The following MRPS35 variants were observed in gnomAD, a reference collection of about 807,000 sequenced individuals.
The protein encoded by MRPS35 is mitochondrial ribosomal protein S35.
MRPS35 carries 29 observed loss-of-function variants against 32.7 expected under a neutral mutation model. The ratio of observed to expected loss-of-function variants is 0.89; its 90% CI spans 0.66 to 1.21. The LOEUF is 1.21. MRPS35 is among the 50% of genes most tolerant of loss of function. MRPS35 has a pLI of 0.00. For missense variants in MRPS35, 373 were observed against 383.8 expected (o/e 0.97, Z 0.23); for synonymous variants, 148 against 139.3 (o/e 1.06, Z -0.44).
At chr12:27,739,454 G>A (rs1315728815) in intron 7 of MRPS35, among the ~76,000 whole-genome samples, 1 of 152,148 alleles carries the variant, frequency 6.6e-6, no homozygotes, top group Non-Finnish European at 1.5e-5. Context: ...TCACACAAGA[G>A]GATGAATGGA....
intron 7 of MRPS35, among the ~76,000 whole-genome samples, chr12:27,753,726 T>C (rs1194310191): frequency 2.6e-5 from 4 of 152,018 alleles, no homozygotes; most frequent in Non-Finnish European, 5.9e-5. Flanking sequence ...GGAAAAAAAA[T>C]GTGACTAGTA....
intron 7 of MRPS35, among the ~76,000 whole-genome samples, chr12:27,748,457 G>GTGTGTGTA (rs2061988754): frequency 6.6e-6 from 1 of 151,678 alleles, no homozygotes; most frequent in Non-Finnish European, 1.5e-5. Context: ...GTGTGTGTGT[G>GTGTGTGTA]TGTGTGTGTG....
chr12:27,733,467 T>C lies in MRPS35; in HGVS notation c.523-1980T>C, dbSNP rs141023583. ...AGAATACTTTAAGCTTTTGAAACTT[T>C]TAAATTTATTGTTAGACATTATTAT... On this transcript the variant is annotated intron_variant, in intron 5 of 7. Coordinates refer to ENST00000081029, the MANE Select transcript of MRPS35 (RefSeq NM_021821.4). 3.9e-5 allele frequency among the ~76,000 whole-genome samples: 6 copies of C among 152,312 alleles called. No homozygotes were observed. In the East Asian group the frequency reaches 1.2e-3, roughly 29 times the overall value.
At chr12:27,744,624 C>T (rs942333504) in intron 7 of MRPS35, among the ~76,000 whole-genome samples, 6 of 152,050 alleles carry the variant, frequency 3.9e-5, no homozygotes, top group Non-Finnish European at 8.8e-5. Context: ...TAACATGAAG[C>T]GTATGTTTTT....
At chr12:27,748,522 G>T (rs1402661541) in intron 7 of MRPS35, among the ~76,000 whole-genome samples, 2 of 151,508 alleles carry the variant, frequency 1.3e-5, no homozygotes, top group African/African-American at 4.9e-5. Flanking sequence ...AATGGTCAAA[G>T]CATTAAAATA....
In MRPS35 at chr12:27,730,999, T is replaced by C. The variant is rs80276154; in HGVS notation, c.523-4448T>C. ...CCTTTTATATGGCAAATTTGTTCAT[T>C]CTCCCCTATTTATTAATCATTTATT... On this transcript the variant is annotated intron_variant, in intron 5 of 7. Coordinates refer to ENST00000081029, the MANE Select transcript of MRPS35 (RefSeq NM_021821.4). 4.6e-4 allele frequency among the ~76,000 whole-genome samples: 70 copies of C among 152,310 alleles called. No individual in the cohort carries two copies. The East Asian group carries it at 0.01, about 22-fold the overall frequency.
intron 2 of MRPS35, 115 bp downstream of exon 2, chr12:27,714,935 A>G: frequency 3.6e-6 from 3 of 844,746 alleles, no homozygotes; most frequent in Non-Finnish European, 5.7e-6. Flanking sequence ...GGTCATGTTT[A>G]CTGGGTGATT....
intron 7 of MRPS35, among the ~76,000 whole-genome samples, chr12:27,740,218 T>A (rs1226830026): frequency 6.6e-6 from 1 of 152,244 alleles, no homozygotes; most frequent in East Asian, 1.9e-4. Flanking sequence ...TGATTTTTTT[T>A]ATAGGCTAGC....
At chr12:27,755,076 A>T in intron 7 of MRPS35, 105 bp from the exon 8 acceptor site, 1 of 1,339,272 alleles carries the variant, frequency 7.5e-7, no homozygotes, top group Non-Finnish European at 1.0e-6. Context: ...CTCTTCCCTT[A>T]AAAAGGAAGG....
At chr12:27,741,012 CA>C (rs1302813208) in intron 7 of MRPS35, among the ~76,000 whole-genome samples, 1 of 151,804 alleles carries the variant, frequency 6.6e-6, no homozygotes, top group Non-Finnish European at 1.5e-5. Context: ...ACTAAAAATA[CA>C]AAAAATTAGC....
rs370568776 is a variant in MRPS35, at chr12:27,724,101, A to T, written c.437A>T (p.His146Leu). The T allele has an allele frequency of 6.2e-7, 1 of 1,613,106 alleles. No individual in the cohort carries two copies. Among genetic ancestry groups the T allele is most frequent in the Non-Finnish European group, 8.5e-7 (1 of 1,179,816 alleles). ...ALDSDEKCEKHFPIEIDSTDY... is the reference protein window; with the variant it reads ...ALDSDEKCEKLFPIEIDSTDY... ...GACAGTGACGAGAAATGTGAGAAGCATTTTCCAATTGAAATTGACAGCACT... is the reference window on the plus strand; with the variant it reads ...GACAGTGACGAGAAATGTGAGAAGCTTTTTCCAATTGAAATTGACAGCACT... Residue 146 changes from histidine (H) to leucine (L), a missense_variant, in exon 5 of 8, where the codon CAT becomes CTT. Coordinates refer to ENST00000081029, the MANE Select transcript of MRPS35 (RefSeq NM_021821.4).
intron 1 of MRPS35, among the ~76,000 whole-genome samples, chr12:27,714,258 A>G (rs2061840466): frequency 6.6e-6 from 1 of 152,024 alleles, no homozygotes; most frequent in South Asian, 2.1e-4. Flanking sequence ...TTAGATAATG[A>G]ATTCACTGTA....
Position 27,753,387 on chromosome 12 carries a change from G to A in MRPS35, c.703-1794G>A, listed in dbSNP as rs373125026. Among the ~76,000 whole-genome samples the A allele has an allele frequency of 4.6e-5, 7 of 152,208 alleles. No homozygotes were observed. In the East Asian group the frequency reaches 7.7e-4, roughly 17 times the overall value. ...CCCCAGTGGCCTATTATTTGTGATC[G>A]GTGGGGCTCCTCTTTACCCTTGGAG... is the stretch of plus-strand genomic sequence containing the variant. On this transcript the variant is annotated intron_variant, in intron 7 of 7. Transcript: ENST00000081029.
intron 7 of MRPS35, among the ~76,000 whole-genome samples, chr12:27,742,598 AAG>A (rs140270543): frequency 6.6e-6 from 1 of 152,246 alleles, no homozygotes; most frequent in African/African-American, 2.4e-5. Flanking sequence ...TGTGGGTTTA[AAG>A]AGCAGGCAGA....
chr12:27,755,294 TG>T lies in MRPS35; in HGVS notation c.817del (p.Glu273ArgfsTer6). The part of the protein sequence containing the change: ...LETLLQMKAA[E>X]KNMEINKEEL... ...AAACGCTTCTCCAGATGAAAGCTGC[TG>T]AGAAAAATATGGAAATAAATAAAGA... On this transcript the variant is annotated frameshift_variant, in exon 8 of 8. Coordinates refer to ENST00000081029, the MANE Select transcript of MRPS35 (RefSeq NM_021821.4). LOFTEE classifies it low-confidence loss of function (END_TRUNC). 6.2e-7 allele frequency: 1 copy of T among 1,612,846 alleles called. No individual in the cohort carries two copies. The highest frequency in any genetic ancestry group is 8.5e-7 in the Non-Finnish European group (1 of 1,179,770).
At chr12:27,711,204 C>T (rs554702421) in intron 1 of MRPS35, among the ~76,000 whole-genome samples, 18 of 152,348 alleles carry the variant, frequency 1.2e-4, no homozygotes, top group African/African-American at 4.1e-4. Context: ...CATCCCCCTT[C>T]CCCGTGACCT....
intron 7 of MRPS35, among the ~76,000 whole-genome samples, chr12:27,748,866 T>C (rs2061990251): frequency 6.6e-6 from 1 of 152,030 alleles, no homozygotes; most frequent in Non-Finnish European, 1.5e-5. Flanking sequence ...AAAATGTTGA[T>C]AGTAGGAGCC....
rs535002768 is a variant in MRPS35, at chr12:27,737,676, T to G, written c.702+68T>G. On this transcript the variant is annotated intron_variant, in intron 7 of 7. Coordinates refer to ENST00000081029, the MANE Select transcript of MRPS35 (RefSeq NM_021821.4). ...AGATGATGTTAACCTTTCAAAATAC[T>G]CTTTGTGGCAAGTACTCAACTGAGT... 44 of 1,279,082 alleles carry G rather than the reference T, an allele frequency of 3.4e-5. No individual in the cohort carries two copies. The African/African-American group carries it at 6.1e-4, about 18-fold the overall frequency. The allele number at this position is 1,279,082 out of a possible 1,614,324, so 79.2% of individuals were successfully genotyped here.
In MRPS35 at chr12:27,737,575, G is replaced by C; in HGVS notation, c.669G>C (p.Val223=). ...GGAGGCAGAATTACGATTATGCAGT[G>C]TATCTACTAACAGTGTTATACCATG... The part of the protein sequence containing the change: ...PLRRQNYDYA[V]YLLTVLYHES... The change falls in exon 7 of 8, where the codon GTG becomes GTC. Residue 223 remains valine, a synonymous_variant. Transcript: ENST00000081029. 1.2e-6 allele frequency: 2 copies of C among 1,611,910 alleles called. No individual in the cohort carries two copies. Among genetic ancestry groups the C allele is most frequent in the Non-Finnish European group, 1.7e-6 (2 of 1,178,296 alleles).
Sources: allele counts gnomAD v4.1 joint callset (sites outside exome capture counted in the v4.1 genomes callset), GRCh38; gene constraint gnomAD v4.1.1; transcripts MANE v1.5; gene names NCBI Gene and HGNC (gene_info 2026-07-23, HGNC 2026-07-21).